The following OPCML variants were observed in gnomAD, a reference collection of about 807,000 sequenced individuals.
The protein encoded by OPCML is opioid-binding protein/cell adhesion molecule.
In OPCML, 13 loss-of-function variants were observed where a neutral mutation model predicts 37.8. The observed-to-expected ratio is 0.34, with a 90% CI of 0.22 to 0.55. The LOEUF (loss-of-function observed/expected upper bound fraction) is 0.55. OPCML is among the 20% of genes least tolerant of loss of function. The pLI, the probability that OPCML is intolerant of heterozygous loss-of-function variation, is 0.91. For synonymous variants in OPCML, 176 were observed against 168.8 expected (o/e 1.04, Z -0.33); for missense variants, 341 against 435.6 (o/e 0.78, Z 1.93).
At chr11:132,756,829 G>A (rs764291025) in intron 2 of OPCML, among the ~76,000 whole-genome samples, 1 of 151,874 alleles carries the variant, frequency 6.6e-6, no homozygotes, top group African/African-American at 2.4e-5. Flanking sequence ...TGTGCAGAAC[G>A]TGCAGGTTTG....
At chr11:132,724,680 A>G (rs1944810535) in intron 2 of OPCML, among the ~76,000 whole-genome samples, 1 of 152,192 alleles carries the variant, frequency 6.6e-6, no homozygotes, top group Admixed American at 6.5e-5. Context: ...AGACAATGCA[A>G]GTTCCTTCTG....
chr11:133,196,882 C>T (rs1938556353), intron 1 of OPCML, among the ~76,000 whole-genome samples: 1 of 152,146 alleles, frequency 6.6e-6, no homozygotes. Flanking sequence ...GCAGTGACCC[C>T]AATGGCTTAC....
chr11:133,062,010 T>G (rs992113201), intron 1 of OPCML, among the ~76,000 whole-genome samples: 1 of 152,264 alleles, frequency 6.6e-6, no homozygotes, highest in South Asian at 2.1e-4. Flanking sequence ...CCAACTTTGG[T>G]TTTAGAATAA....
chr11:133,204,886 A>ATATGTGTG (rs1555114219), intron 1 of OPCML, among the ~76,000 whole-genome samples: 3 of 42,594 alleles, frequency 7.0e-5, no homozygotes, highest in Admixed American at 2.1e-4. Context: ...ATATATATAT[A>ATATGTGTG]TATATATATA....
chr11:133,025,409 A>C (rs1947533113), intron 1 of OPCML: 3 of 985,316 alleles, frequency 3.0e-6, no homozygotes, highest in South Asian at 9.4e-5. Context: ...TATTCCCAAA[A>C]TGTGTGTCTC....
chr11:133,014,591 G>A (rs1191096898), intron 1 of OPCML, among the ~76,000 whole-genome samples: 5 of 152,174 alleles, frequency 3.3e-5, no homozygotes, highest in Non-Finnish European at 7.3e-5. Flanking sequence ...TGTCCATGCA[G>A]GAGACAGTCC....
At chr11:132,767,756 T>C (rs912296344) in intron 2 of OPCML, among the ~76,000 whole-genome samples, 1 of 152,096 alleles carries the variant, frequency 6.6e-6, no homozygotes, top group East Asian at 1.9e-4. Flanking sequence ...AAGAGAATTG[T>C]CATTTCTATG....
chr11:132,601,225 C>T (rs1591608743), intron 3 of OPCML, among the ~76,000 whole-genome samples: 3 of 152,056 alleles, frequency 2.0e-5, no homozygotes, highest in Non-Finnish European at 1.5e-5. Context: ...TCAGAATGCC[C>T]TCCTCCCTGG....
intron 2 of OPCML, among the ~76,000 whole-genome samples, chr11:132,747,443 T>G (rs927832770): frequency 6.6e-6 from 1 of 152,226 alleles, no homozygotes; most frequent in African/African-American, 2.4e-5. Flanking sequence ...GACCTTAAAG[T>G]TGGCCTTGTT....
intron 2 of OPCML, among the ~76,000 whole-genome samples, chr11:132,805,917 C>A (rs958416331): frequency 6.6e-6 from 1 of 151,962 alleles, no homozygotes; most frequent in African/African-American, 2.4e-5. Flanking sequence ...AAAATAATAA[C>A]AGTATAAGAT....
At chr11:132,552,900 G>T (rs1369870876) in intron 3 of OPCML, among the ~76,000 whole-genome samples, 4 of 151,430 alleles carry the variant, frequency 2.6e-5, no homozygotes, top group African/African-American at 9.7e-5. Context: ...CGAGTAACTG[G>T]GACTACAGGT....
intron 4 of OPCML, among the ~76,000 whole-genome samples, chr11:132,503,151 A>G (rs1215327297): frequency 6.6e-6 from 1 of 152,210 alleles, no homozygotes; most frequent in Non-Finnish European, 1.5e-5. Context: ...GGTTGATTAC[A>G]AAGGCAATGT....
intron 1 of OPCML, among the ~76,000 whole-genome samples, chr11:133,191,780 C>T (rs1015205103): frequency 6.6e-6 from 1 of 152,162 alleles, no homozygotes; most frequent in African/African-American, 2.4e-5. Flanking sequence ...AGGTGTGAGC[C>T]CCCATGCCTG....
intron 1 of OPCML, among the ~76,000 whole-genome samples, chr11:133,241,933 A>T (rs968989631): frequency 2.0e-5 from 3 of 152,242 alleles, no homozygotes; most frequent in Admixed American, 1.3e-4. Context: ...CACCTTCAGA[A>T]GGTCCTTCCC....
intron 2 of OPCML, among the ~76,000 whole-genome samples, chr11:132,858,486 G>T (rs1356990837): frequency 6.6e-6 from 1 of 152,188 alleles, no homozygotes; most frequent in Non-Finnish European, 1.5e-5. Context: ...CTGGGAACTA[G>T]CTAAGGGCAA....
chr11:132,857,423 T>C (rs966770867), intron 2 of OPCML, among the ~76,000 whole-genome samples: 1 of 152,234 alleles, frequency 6.6e-6, no homozygotes, highest in Non-Finnish European at 1.5e-5. Context: ...TTAATTGATA[T>C]GGTTTCTGAT....
chr11:133,192,426 T>C (rs1168094774), intron 1 of OPCML, among the ~76,000 whole-genome samples: 2 of 152,226 alleles, frequency 1.3e-5, no homozygotes, highest in Non-Finnish European at 2.9e-5. Context: ...GTCCGACCAA[T>C]TGCCTACTCA....
chr11:133,019,983 G>T (rs1311652614), intron 1 of OPCML, among the ~76,000 whole-genome samples: 1 of 152,194 alleles, frequency 6.6e-6, no homozygotes, highest in African/African-American at 2.4e-5. Context: ...AAATTCCACT[G>T]CTGCTAATCG....
intron 2 of OPCML, among the ~76,000 whole-genome samples, chr11:132,842,904 C>A (rs1206105032): frequency 6.6e-6 from 1 of 152,184 alleles, no homozygotes; most frequent in African/African-American, 2.4e-5. Context: ...GTGATTTACA[C>A]ACAGTCATCA....
Sources: gnomAD v4.1 joint callset for allele counts (sites outside exome capture counted in the v4.1 genomes callset) on GRCh38, gnomAD v4.1.1 for gene constraint, MANE v1.5 for transcripts, NCBI Gene and HGNC (gene_info 2026-07-23, HGNC 2026-07-21) for gene names.